The following ZNF423 variants were observed in gnomAD, a reference collection of about 807,000 sequenced individuals.
ZNF423 encodes the protein Ebf-associated zinc finger protein.
ZNF423 carries 12 observed loss-of-function variants against 95.8 expected under a neutral mutation model. The observed-to-expected ratio is 0.13, with a 90% CI of 0.08 to 0.20. ZNF423 has a LOEUF of 0.20. Ranked by LOEUF, ZNF423 falls within the 10% of genes least tolerant of loss-of-function variation. ZNF423 has a pLI of 1.00. For synonymous variants in ZNF423, 749 were observed against 711.9 expected (o/e 1.05, Z -0.83); for missense variants, 1,316 against 1,737.1 (o/e 0.76, Z 4.31).
At chr16:49,783,795 C>T (rs979155596) in intron 2 of ZNF423, among the ~76,000 whole-genome samples, 4 of 151,838 alleles carry the variant, frequency 2.6e-5, no homozygotes, top group African/African-American at 9.7e-5. Flanking sequence ...CATGGTGAAA[C>T]CCCGTCTCTA....
At position 49,637,883 on chromosome 16, in the gene ZNF423, G is replaced by T. The variant is rs746289192; in HGVS notation, c.1293C>A (p.Ala431=). The change falls in exon 4 of 8, where the codon GCC becomes GCA. Residue 431 remains alanine (A), a synonymous_variant. Coordinates refer to ENST00000563137, the MANE Select transcript of ZNF423 (RefSeq NM_001379286.1). This position sits in a 1 kb window ranked among gnomAD's most constrained non-coding sequence, Gnocchi z 5.6. ...YCSKRDFNSL[A]VLEIHLKTIH... is the part of the protein sequence containing the mutation. ...TGGTCTTCAGGTGGATCTCCAGCAC[G>T]GCCAGGCTGTTAAAGTCCCGCTTGG... The T allele has an allele frequency of 6.2e-7, 1 of 1,614,158 alleles. No individual in the cohort carries two copies.
chr16:49,502,956 C>A (rs1336464743), intron 7 of ZNF423, among the ~76,000 whole-genome samples: 1 of 149,846 alleles, frequency 6.7e-6, no homozygotes. Flanking sequence ...GGATGCCCCA[C>A]AATCCCATGC....
chr16:49,633,399 A>T (rs1386433328), intron 4 of ZNF423, among the ~76,000 whole-genome samples: 2 of 152,188 alleles, frequency 1.3e-5, no homozygotes, highest in African/African-American at 4.8e-5. Flanking sequence ...TTCACAAATG[A>T]TGGGGAACAG....
At chr16:49,680,597 GC>G (rs1020265932) in intron 3 of ZNF423, among the ~76,000 whole-genome samples, 2 of 152,194 alleles carry the variant, frequency 1.3e-5, no homozygotes, top group Admixed American at 6.5e-5. Context: ...GGACACCACT[GC>G]ATTCCCCAGT....
intron 5 of ZNF423, among the ~76,000 whole-genome samples, chr16:49,575,044 C>T (rs375804645): frequency 3.3e-5 from 5 of 152,080 alleles, no homozygotes; most frequent in South Asian, 4.2e-4. Context: ...CTTCCACAGG[C>T]GGATCGAGGG....
intron 7 of ZNF423, among the ~76,000 whole-genome samples, chr16:49,512,102 G>T (rs377506295): frequency 1.6e-4 from 24 of 152,198 alleles, no homozygotes; most frequent in African/African-American, 5.8e-4. Context: ...CAAAAATTCT[G>T]TTTGTCCTTA....
intron 1 of ZNF423, among the ~76,000 whole-genome samples, chr16:49,801,991 G>A (rs1030365504): frequency 1.3e-5 from 2 of 152,066 alleles, no homozygotes; most frequent in African/African-American, 4.8e-5. Flanking sequence ...TGAGACTAGA[G>A]GAACATGCCA....
At chr16:49,817,526 G>A (rs2034875281) in intron 1 of ZNF423, among the ~76,000 whole-genome samples, 1 of 152,122 alleles carries the variant, frequency 6.6e-6, no homozygotes, top group Non-Finnish European at 1.5e-5. Context: ...GCAGCAACAG[G>A]AACACAGGTC....
At chr16:49,582,531 T>C (rs983191257) in intron 5 of ZNF423, among the ~76,000 whole-genome samples, 2 of 152,206 alleles carry the variant, frequency 1.3e-5, no homozygotes, top group Admixed American at 1.3e-4. Context: ...AAGTCCACAG[T>C]GCAAACCTAA....
chr16:49,637,811 C>G lies in ZNF423; in HGVS notation c.1365G>C (p.Leu455=), dbSNP rs548578929. 3.8e-4 allele frequency: 617 copies of G among 1,614,136 alleles called. 6 individuals are homozygous for G. The South Asian group carries it at 5.4e-3, about 14-fold the overall frequency. The change falls in exon 4 of 8, where the codon CTG becomes CTC. Residue 455 remains leucine (L), a synonymous_variant. Transcript: ENST00000563137. This position sits in a 1 kb window ranked among gnomAD's most constrained non-coding sequence, Gnocchi z 5.6. ...GGTTGTAGAGGGTGGGCATGGAGTC[C>G]AGGCAGATCTGACATGTGTGGCTCT... The part of the protein sequence containing the change: ...PQQSHTCQIC[L]DSMPTLYNLN...
At chr16:49,738,320 AG>A (rs1158155073) in intron 2 of ZNF423, among the ~76,000 whole-genome samples, 1 of 152,100 alleles carries the variant, frequency 6.6e-6, no homozygotes, top group African/African-American at 2.4e-5. Context: ...GGATACGCTA[AG>A]TAGTAAGGGG....
At chr16:49,661,046 C>A (rs1157190502) in intron 3 of ZNF423, among the ~76,000 whole-genome samples, 2 of 152,004 alleles carry the variant, frequency 1.3e-5, no homozygotes, top group African/African-American at 4.8e-5. Context: ...CATGGTGAAA[C>A]CTTGTCTCTA....
chr16:49,621,172 C>A (rs923647343), intron 5 of ZNF423, among the ~76,000 whole-genome samples: 1 of 152,100 alleles, frequency 6.6e-6, no homozygotes, highest in African/African-American at 2.4e-5. Context: ...TGGGTCAACC[C>A]GGCAGGAGGC....
At chr16:49,691,053 A>T (rs1422166543) in intron 3 of ZNF423, among the ~76,000 whole-genome samples, 1 of 152,218 alleles carries the variant, frequency 6.6e-6, no homozygotes, top group Non-Finnish European at 1.5e-5. Context: ...TCCTTCTCAG[A>T]AGCAGCCGTC....
chr16:49,621,346 C>T (rs1185970440), intron 5 of ZNF423, among the ~76,000 whole-genome samples: 1 of 152,158 alleles, frequency 6.6e-6, no homozygotes, highest in East Asian at 1.9e-4. Context: ...TTTCCAAAGA[C>T]CCTCGCCTTT....
rs3084468 is a variant in ZNF423, at chr16:49,700,195, CAAAAA to C, written c.301+30571_301+30575del. 1.8e-4 allele frequency among the ~76,000 whole-genome samples: 17 copies of C among 96,538 alleles called. No individual in the cohort carries two copies. In the South Asian group the frequency reaches 2.0e-3, roughly 11 times the overall value. The allele number at this position is 96,538 out of a possible 152,430, so 63.3% of individuals were successfully genotyped here. A position where few individuals can be genotyped will look rare whatever the true frequency, so the allele number is the denominator to read the frequency against. On this transcript the variant is annotated intron_variant, in intron 3 of 7. Transcript: ENST00000563137. ...AAAAGGAAAAAGAGGCCCAGGATTT[CAAAAA>C]AAAAAAAAAAAAAAAAACAAGAAGA...
At chr16:49,829,809 A>T (rs2035043321) in intron 1 of ZNF423, among the ~76,000 whole-genome samples, 1 of 152,122 alleles carries the variant, frequency 6.6e-6, no homozygotes, top group African/African-American at 2.4e-5. Context: ...GCTCCAGTGG[A>T]GAGGAGGACA....
At chr16:49,731,168 A>C (rs1350568600) in intron 2 of ZNF423, 197 bp from the exon 3 acceptor site, 2 of 496,098 alleles carry the variant, frequency 4.0e-6, no homozygotes, top group Non-Finnish European at 5.2e-6. Flanking sequence ...CAGATTCTTT[A>C]ATTCTTGGTG....
chr16:49,642,198 T>A lies in ZNF423; in HGVS notation c.302-3324A>T, dbSNP rs191048559. On this transcript the variant is annotated intron_variant, in intron 3 of 7. Coordinates refer to ENST00000563137, the MANE Select transcript of ZNF423 (RefSeq NM_001379286.1). ...TCCTCACAACAACCATATCTGGCTG[T>A]CTGCAGTAACATTCCCATTTCTGAG... 3.3e-5 allele frequency among the ~76,000 whole-genome samples: 5 copies of A among 152,316 alleles called. No homozygotes were observed. The East Asian group carries it at 9.6e-4, about 29-fold the overall frequency.
Sources: allele counts gnomAD v4.1 joint callset (sites outside exome capture counted in the v4.1 genomes callset), GRCh38; gene constraint gnomAD v4.1.1; non-coding constraint Gnocchi (gnomAD v3.1); transcripts MANE v1.5; gene names NCBI Gene and HGNC (gene_info 2026-07-23, HGNC 2026-07-21).